CDYL2: variants seen among roughly 807,000 people sequenced by gnomAD.
CDYL2 encodes the protein chromodomain Y like 2, also known as chromodomain Y-like protein 2.
A neutral mutation model predicts 49.4 loss-of-function variants in CDYL2; 23 were observed. The ratio of observed to expected loss-of-function variants is 0.47; its 90% CI spans 0.34 to 0.66. The LOEUF (loss-of-function observed/expected upper bound fraction) is 0.66, where lower values mean the gene tolerates loss of function less well. Among genes scored for constraint, CDYL2 ranks in the 30% least tolerant of loss-of-function variants. The pLI is 0.01. For synonymous variants in CDYL2, 360 were observed against 268.8 expected (o/e 1.34, Z -3.32); for missense variants, 678 against 656.4 (o/e 1.03, Z -0.36).
intron 1 of CDYL2, among the ~76,000 whole-genome samples, chr16:80,803,511 T>C (rs1393489872): frequency 1.3e-5 from 2 of 151,708 alleles, no homozygotes; most frequent in African/African-American, 2.4e-5. Context: ...TCCGAGCTGG[T>C]GCGGGGGCAG....
In CDYL2 at chr16:80,672,352, C is replaced by CACACACAG. The variant is rs68130206; in HGVS notation, c.616+12185_616+12186insCTGTGTGT. Reference sequence around the variant, plus strand: ...ACACACACACACACACACACACACACAGAGAGAGAGAGAGAGATGAGTAGA... The same window carrying CACACACAG: ...ACACACACACACACACACACACACACACACACAGAGAGAGAGAGAGAGAGATGAGTAGA... On this transcript the variant is annotated intron_variant, in intron 2 of 6. Transcript: ENST00000570137. 6.9e-3 allele frequency among the ~76,000 whole-genome samples: 818 copies of CACACACAG among 117,794 alleles called. 9 individuals are homozygous for CACACACAG. Among genetic ancestry groups the CACACACAG allele is most frequent in the Non-Finnish European group, 9.2e-3 (530 of 57,310 alleles). 77.3% of individuals were successfully genotyped at this position (117,794 alleles called of 152,430 possible).
chr16:80,786,129 A>T (rs964954426), intron 1 of CDYL2, among the ~76,000 whole-genome samples: 2 of 152,150 alleles, frequency 1.3e-5, no homozygotes, highest in Non-Finnish European at 2.9e-5. Flanking sequence ...TAATTAAACT[A>T]AAGAGCTTCT....
At chr16:80,625,374 T>C (rs1382677385) in intron 3 of CDYL2, among the ~76,000 whole-genome samples, 1 of 152,226 alleles carries the variant, frequency 6.6e-6, no homozygotes, top group Non-Finnish European at 1.5e-5. Context: ...TTCTTCTGCT[T>C]CTCTCATCTA....
At chr16:80,724,675 A>C (rs138481028) in intron 1 of CDYL2, among the ~76,000 whole-genome samples, 1 of 152,216 alleles carries the variant, frequency 6.6e-6, no homozygotes, top group African/African-American at 2.4e-5. Flanking sequence ...TTTGTGTACT[A>C]GGCCCATGAT....
chr16:80,633,944 A>C (rs1168260101), intron 2 of CDYL2, among the ~76,000 whole-genome samples: 6 of 152,222 alleles, frequency 3.9e-5, no homozygotes, highest in Non-Finnish European at 8.8e-5. Flanking sequence ...CTCCAGCCTC[A>C]CACAGGATAC....
intron 1 of CDYL2, among the ~76,000 whole-genome samples, chr16:80,723,889 G>C (rs1000768465): frequency 6.6e-6 from 1 of 150,860 alleles, no homozygotes; most frequent in African/African-American, 2.4e-5. Context: ...AAGGGAGAAG[G>C]AAGAAGAGGA....
At chr16:80,679,592 A>G (rs1368962763) in intron 2 of CDYL2, 1 of 411,636 alleles carries the variant, frequency 2.4e-6, no homozygotes, top group Non-Finnish European at 4.8e-6. Context: ...TGGAAACTCC[A>G]AGGCCTCATC....
chr16:80,654,782 T>A (rs1236566109), intron 2 of CDYL2, among the ~76,000 whole-genome samples: 4 of 152,230 alleles, frequency 2.6e-5, no homozygotes, highest in African/African-American at 4.8e-5. Flanking sequence ...CAGTTTTGTA[T>A]TGTTCCCTTA....
chr16:80,771,821 T>A (rs1218511556), intron 1 of CDYL2, among the ~76,000 whole-genome samples: 1 of 152,078 alleles, frequency 6.6e-6, no homozygotes, highest in East Asian at 1.9e-4. Context: ...GAAAGAGTTT[T>A]AAGACAAACT....
rs1910132737 is a variant in CDYL2 at position 80,685,034 on chromosome 16, C to T, written c.120G>A (p.Glu40=). Residue 40 remains glutamate (E), a synonymous_variant, in exon 2 of 7, where the codon GAG becomes GAA. Coordinates refer to ENST00000570137, the MANE Select transcript of CDYL2 (RefSeq NM_152342.4). ...KGYGSTEDTW[E]PEHHLLHCEE... The stretch of plus-strand genomic sequence containing the variant: ...CACAGTGCAAGAGGTGGTGCTCCGG[C>T]TCCCACGTGTCCTCGGTGCTCCCGT... 1.2e-6 allele frequency: 2 copies of T among 1,614,208 alleles called. No homozygotes were observed. Among genetic ancestry groups the T allele is most frequent in the Non-Finnish European group, 8.5e-7 (1 of 1,180,032 alleles).
At chr16:80,640,149 G>A (rs1447982084) in intron 2 of CDYL2, among the ~76,000 whole-genome samples, 2 of 152,190 alleles carry the variant, frequency 1.3e-5, no homozygotes, top group Non-Finnish European at 2.9e-5. Context: ...GGCTAAGGGA[G>A]TGCTGGTATC....
At chr16:80,629,386 G>C (rs9929914) in intron 3 of CDYL2, among the ~76,000 whole-genome samples, 11,350 of 152,236 alleles carry the variant, frequency 0.075, 1,315 homozygotes, top group African/African-American at 0.25. Flanking sequence ...CAAGAATAAA[G>C]GTGAACCGGC....
At chr16:80,638,671 G>A (rs1044370148) in intron 2 of CDYL2, among the ~76,000 whole-genome samples, 1 of 152,142 alleles carries the variant, frequency 6.6e-6, no homozygotes, top group Non-Finnish European at 1.5e-5. Context: ...TAGATCCACA[G>A]CAATATACCG....
chr16:80,769,672 C>T lies in CDYL2; in HGVS notation c.24+34478G>A, dbSNP rs111830346. 4.7e-3 allele frequency among the ~76,000 whole-genome samples: 709 copies of T among 152,224 alleles called. 2 individuals are homozygous for T. The highest frequency in any genetic ancestry group is 0.016 in the African/African-American group (672 of 41,528). ...AGGCCGAAAGATGTGAACAGGAAAC[C>T]AGTACTTTTATGGGTAGAATCTCAG... On this transcript the variant is annotated intron_variant, in intron 1 of 6. Coordinates refer to ENST00000570137, the MANE Select transcript of CDYL2 (RefSeq NM_152342.4).
intron 1 of CDYL2, among the ~76,000 whole-genome samples, chr16:80,725,764 C>T (rs775001557): frequency 9.8e-5 from 15 of 152,308 alleles, no homozygotes; most frequent in African/African-American, 2.9e-4. Context: ...GTGAGTAACG[C>T]GCTTTAGCAA....
At position 80,749,737 on chromosome 16, in the gene CDYL2, A is replaced by C. The variant is rs371465032; in HGVS notation, c.24+54413T>G. On this transcript the variant is annotated intron_variant, in intron 1 of 6. Coordinates refer to ENST00000570137, the MANE Select transcript of CDYL2 (RefSeq NM_152342.4). ...CCTTATATGAAAATTTTTTTAAAAA[A>C]ATTTAAAAAAAAGCATACATGTGCA... is the stretch of plus-strand genomic sequence containing the variant. Among the ~76,000 whole-genome samples the C allele has an allele frequency of 1.7e-4, 26 of 152,154 alleles. 1 individual carries two copies. The South Asian group carries it at 5.2e-3, about 30-fold the overall frequency.
intron 2 of CDYL2, among the ~76,000 whole-genome samples, chr16:80,645,949 C>T (rs1046262312): frequency 1.6e-5 from 2 of 127,054 alleles, no homozygotes; most frequent in African/African-American, 6.2e-5. Flanking sequence ...AACACTTGGA[C>T]ACAGGAAGGG....
intron 1 of CDYL2, among the ~76,000 whole-genome samples, chr16:80,755,068 G>A (rs1906264190): frequency 6.6e-6 from 1 of 152,088 alleles, no homozygotes; most frequent in South Asian, 2.1e-4. Flanking sequence ...TCAACCAGCC[G>A]CTGACCTTGG....
chr16:80,678,940 T>G (rs890700232), intron 2 of CDYL2, among the ~76,000 whole-genome samples: 4 of 151,016 alleles, frequency 2.6e-5, no homozygotes, highest in Non-Finnish European at 5.9e-5. Context: ...CCATAAAAAA[T>G]GATGAGTTCA....
Sources: allele counts gnomAD v4.1 joint callset (sites outside exome capture counted in the v4.1 genomes callset), GRCh38; gene constraint gnomAD v4.1.1; transcripts MANE v1.5; gene names NCBI Gene and HGNC (gene_info 2026-07-23, HGNC 2026-07-21).